Variants in XRCC1 observed in about 807,000 individuals in gnomAD.
The protein encoded by XRCC1 is X-ray repair cross complementing 1.
Under a neutral mutation model 83.3 loss-of-function variants are expected in XRCC1, and 52 were observed. The ratio of observed to expected loss-of-function variants is 0.62; its 90% CI spans 0.50 to 0.79. The LOEUF is 0.79. XRCC1 is among the 30% of genes least tolerant of loss of function. The probability of loss-of-function intolerance (pLI) is 0.00; values close to 1 mark genes in which losing one functional copy is unlikely to be tolerated. For missense variants in XRCC1, 793 were observed against 823.5 expected, an observed-to-expected ratio of 0.96 and a Z score of 0.45; for synonymous variants, 281 against 312.6, an observed-to-expected ratio of 0.90 and a Z score of 1.07.
intron 4 of XRCC1, among the ~76,000 whole-genome samples, chr19:43,554,438 C>T (rs1444009853): frequency 3.3e-5 from 1 of 30,574 alleles, no homozygotes; most frequent in Non-Finnish European, 5.9e-5. Context: ...CTGCAGTTCA[C>T]CCTTCCTAGA....
intron 3 of XRCC1, chr19:43,555,485 T>G (rs3213348): frequency 6.6e-6 from 1 of 152,244 alleles, no homozygotes; most frequent in Non-Finnish European, 1.5e-5. Flanking sequence ...GGTTCCTGCC[T>G]GCAGCAGCAG....
intron 8 of XRCC1, 93 bp downstream of exon 8, chr19:43,552,704 T>C: frequency 8.1e-7 from 1 of 1,229,376 alleles, no homozygotes; most frequent in Non-Finnish European, 1.1e-6. Context: ...CAGCCCTTCC[T>C]CCCTCAGATT....
chr19:43,562,894 C>T (rs2146063402), intron 2 of XRCC1, among the ~76,000 whole-genome samples: 1 of 152,380 alleles, frequency 6.6e-6, no homozygotes, highest in Admixed American at 6.5e-5. Flanking sequence ...CCTGCAATGG[C>T]TCTGCCAGGC....
In XRCC1 at chr19:43,543,340, TCGTG is replaced by T; in HGVS notation, c.*48_*51del. 1 of 1,149,120 alleles carries T rather than the reference TCGTG, an allele frequency of 8.7e-7. No homozygotes were observed. Among genetic ancestry groups the T allele is most frequent in the Non-Finnish European group, 1.2e-6 (1 of 834,530 alleles). 71.2% of individuals were successfully genotyped at this position (1,149,120 alleles called of 1,614,324 possible). On this transcript the variant is annotated 3_prime_UTR_variant, in exon 17 of 17. Coordinates refer to ENST00000262887, the MANE Select transcript of XRCC1 (RefSeq NM_006297.3). The stretch of plus-strand genomic sequence containing the variant: ...AACCAACTCATCTTTATTAAATGCA[TCGTG>T]TGTGTGTGTGTGTGTGTGTGTGTGT...
chr19:43,552,737 G>T, intron 8 of XRCC1, 60 bp downstream of exon 8: 2 of 1,458,282 alleles, frequency 1.4e-6, no homozygotes, highest in South Asian at 1.4e-5. Context: ...CTCCAGCCCC[G>T]CTTCCCCTAG....
intron 10 of XRCC1, among the ~76,000 whole-genome samples, chr19:43,550,213 G>A (rs1379483290): frequency 1.3e-5 from 2 of 152,074 alleles, no homozygotes; most frequent in African/African-American, 2.4e-5. Context: ...TCCCAGGAGG[G>A]CCTGGGGGAG....
chr19:43,552,014 T>C lies in XRCC1; in HGVS notation c.1082+3A>G. The C allele has an allele frequency of 6.2e-7, 1 of 1,613,740 alleles. No individual in the cohort carries two copies. The highest frequency in any genetic ancestry group is 8.5e-7 in the Non-Finnish European group (1 of 1,179,740). ...CGGCGCAGGGAGGGGGGCGCAAGCC[T>C]ACATGAGGTGCGTGCTGTCCCGGGT... On this transcript the variant is annotated splice_donor_region_variant and intron_variant, in intron 9 of 16. Coordinates refer to ENST00000262887, the MANE Select transcript of XRCC1 (RefSeq NM_006297.3).
chr19:43,554,643 T>C lies in XRCC1; in HGVS notation c.414+3A>G. 1 of 1,609,602 alleles carries C rather than the reference T, an allele frequency of 6.2e-7. No individual in the cohort carries two copies. The highest frequency in any genetic ancestry group is 8.5e-7 in the Non-Finnish European group (1 of 1,177,226). On this transcript the variant is annotated splice_donor_region_variant and intron_variant, in intron 4 of 16. Transcript: ENST00000262887. ...TCTGCACCCTGGCTCCCACCCTAGG[T>C]ACCTTGCTGTAGGGCTGGCTGCAAA...
intron 3 of XRCC1, among the ~76,000 whole-genome samples, chr19:43,558,056 G>C (rs1448448668): frequency 6.6e-6 from 1 of 152,156 alleles, no homozygotes; most frequent in Non-Finnish European, 1.5e-5. Flanking sequence ...TTCTCATCTT[G>C]TGACCTTCAC....
At chr19:43,543,955 A>G (rs1972482338) in intron 15 of XRCC1, among the ~76,000 whole-genome samples, 189 bp downstream of exon 15, 2 of 152,048 alleles carry the variant, frequency 1.3e-5, no homozygotes, top group African/African-American at 4.8e-5. Context: ...GAGGCAAGCA[A>G]TGCACCCTGG....
chr19:43,546,237 G>GC (rs1340747821), intron 12 of XRCC1, 131 bp from the exon 13 acceptor site: 9 of 1,009,280 alleles, frequency 8.9e-6, no homozygotes, highest in Non-Finnish European at 1.4e-5. Context: ...AGTCGTCTGG[G>GC]CCCCCAGCCC....
chr19:43,559,063 T>A (rs1241788766), intron 3 of XRCC1, among the ~76,000 whole-genome samples: 2 of 150,976 alleles, frequency 1.3e-5, no homozygotes, highest in Non-Finnish European at 3.0e-5. Flanking sequence ...ATCCCTTGAG[T>A]CTGGGAAGCG....
chr19:43,568,222 C>G (rs1266097354), intron 2 of XRCC1, among the ~76,000 whole-genome samples: 1 of 150,862 alleles, frequency 6.6e-6, no homozygotes, highest in Non-Finnish European at 1.5e-5. Flanking sequence ...AGGCTGCGCA[C>G]GGCGTGGCTG....
Position 43,551,648 on chromosome 19 carries a change from T to C in XRCC1, c.1122A>G (p.Leu374=), listed in dbSNP as rs2146049109. The change falls in exon 10 of 17, where the codon CTA becomes CTG. Residue 374 remains leucine, a synonymous_variant. Coordinates refer to ENST00000262887, the MANE Select transcript of XRCC1 (RefSeq NM_006297.3). Reference sequence around the variant, plus strand: ...TACGCACGATGCGGCCTCCCAGGCCTAGGACCTGGCTGTACTTGGGGGTGT... The same window carrying C: ...TACGCACGATGCGGCCTCCCAGGCCCAGGACCTGGCTGTACTTGGGGGTGT... ...FANTPKYSQV[L]GLGGRIVRKE... 1 of 1,614,158 alleles carries C rather than the reference T, an allele frequency of 6.2e-7. No individual in the cohort carries two copies. Among genetic ancestry groups the C allele is most frequent in the African/African-American group, 1.3e-5 (1 of 75,042 alleles).
chr19:43,544,538 A>G (rs1972489615), intron 14 of XRCC1, among the ~76,000 whole-genome samples: 1 of 149,332 alleles, frequency 6.7e-6, no homozygotes, highest in South Asian at 2.1e-4. Flanking sequence ...ACAAGGACTC[A>G]CTCTGTCGCC....
intron 9 of XRCC1, 99 bp from the exon 10 acceptor site, chr19:43,551,786 G>T: frequency 9.2e-7 from 1 of 1,090,410 alleles, no homozygotes; most frequent in Non-Finnish European, 1.4e-6. Flanking sequence ...GAGACAGACA[G>T]ACAGACAGAT....
intron 9 of XRCC1, 77 bp from the exon 10 acceptor site, chr19:43,551,764 CAGAGAGAG>C (rs55974714): frequency 9.6e-7 from 1 of 1,045,674 alleles, no homozygotes; most frequent in East Asian, 2.8e-5. Context: ...GGGAGACAGA[CAGAGAGAG>C]AGAGAGACAG....
In XRCC1 at chr19:43,544,335, T is replaced by C. The variant is rs1972487017; in HGVS notation, c.1622-101A>G. Reference sequence around the variant, plus strand: ...GACCCAGCAGCTGAGGAGAGGGCTGTCCACATGTGGGCAGGGATTGATGGC... The same window carrying C: ...GACCCAGCAGCTGAGGAGAGGGCTGCCCACATGTGGGCAGGGATTGATGGC... On this transcript the variant is annotated intron_variant, in intron 14 of 16. Transcript: ENST00000262887. 7.0e-6 allele frequency: 7 copies of C among 1,002,868 alleles called. No individual in the cohort carries two copies. The South Asian group carries it at 1.1e-4, about 15-fold the overall frequency. The allele number at this position is 1,002,868 out of a possible 1,614,324, so 62.1% of individuals were successfully genotyped here. A position where few individuals can be genotyped will look rare whatever the true frequency, so the allele number is the denominator to read the frequency against.
At chr19:43,556,410 A>G (rs1041842526) in intron 3 of XRCC1, among the ~76,000 whole-genome samples, 37 of 152,196 alleles carry the variant, frequency 2.4e-4, no homozygotes, top group Admixed American at 2.4e-3. Context: ...TTGGGGGGAC[A>G]CCAAAGAAGA....
Sources: gnomAD v4.1 joint callset for allele counts (sites outside exome capture counted in the v4.1 genomes callset) on GRCh38, gnomAD v4.1.1 for gene constraint, MANE v1.5 for transcripts, NCBI Gene and HGNC (gene_info 2026-07-23, HGNC 2026-07-21) for gene names.